Variants in SYNE3 observed in about 807,000 individuals in gnomAD.
The protein encoded by SYNE3 is nesprin-3.
Under a neutral mutation model 111.2 loss-of-function variants are expected in SYNE3, and 100 were observed. The observed-to-expected ratio is 0.90, with a 90% CI of 0.77 to 1.06. The LOEUF (loss-of-function observed/expected upper bound fraction) is 1.06. SYNE3 is among the 50% of genes least tolerant of loss of function. The pLI is 0.00. For missense variants in SYNE3, 1,160 were observed against 1,240.3 expected (o/e 0.94, Z 0.97); for synonymous variants, 547 against 533.9 (o/e 1.02, Z -0.34).
intron 2 of SYNE3, among the ~76,000 whole-genome samples, chr14:95,469,468 G>T (rs1888387202): frequency 6.7e-6 from 1 of 148,972 alleles, no homozygotes; most frequent in African/African-American, 2.5e-5. Flanking sequence ...GCTGAGGCAG[G>T]AGAATTGCTC....
chr14:95,454,282 A>G (rs938250970), intron 6 of SYNE3, among the ~76,000 whole-genome samples: 2 of 152,236 alleles, frequency 1.3e-5, no homozygotes, highest in African/African-American at 4.8e-5. Context: ...AGTGGTTGGA[A>G]GCATATGACC....
At chr14:95,488,515 C>T (rs1889666362) in intron 1 of SYNE3, among the ~76,000 whole-genome samples, 2 of 152,028 alleles carry the variant, frequency 1.3e-5, no homozygotes, top group South Asian at 4.2e-4. Flanking sequence ...GGCTGGATCA[C>T]ATGGTAGGTG....
chr14:95,433,483 T>C, intron 15 of SYNE3, 74 bp from the exon 16 acceptor site: 1 of 1,568,524 alleles, frequency 6.4e-7, no homozygotes, highest in Non-Finnish European at 8.6e-7. Flanking sequence ...TAAGGATGGG[T>C]CCATCAAATT....
chr14:95,465,309 G>A (rs1888092731), intron 4 of SYNE3, among the ~76,000 whole-genome samples: 1 of 151,124 alleles, frequency 6.6e-6, no homozygotes, highest in Admixed American at 6.6e-5. Context: ...ATTAAGCACT[G>A]CGAAACACTG....
intron 9 of SYNE3, among the ~76,000 whole-genome samples, chr14:95,445,168 C>T (rs1438092472): frequency 6.6e-6 from 1 of 152,194 alleles, no homozygotes; most frequent in Admixed American, 6.5e-5. Context: ...CTTCATCCCC[C>T]CAGCTCCTAG....
At chr14:95,462,764 G>A (rs1887914486) in intron 4 of SYNE3, among the ~76,000 whole-genome samples, 1 of 152,246 alleles carries the variant, frequency 6.6e-6, no homozygotes, top group Admixed American at 6.5e-5. Flanking sequence ...CAGGACCTGA[G>A]TCGCAGCTGC....
intron 1 of SYNE3, among the ~76,000 whole-genome samples, chr14:95,490,769 C>A (rs967926076): frequency 1.3e-5 from 2 of 152,370 alleles, no homozygotes; most frequent in African/African-American, 2.4e-5. Flanking sequence ...TGGCCCAGGG[C>A]AAGTGTTCAC....
intron 4 of SYNE3, among the ~76,000 whole-genome samples, chr14:95,461,415 T>C (rs2139458249): frequency 6.6e-6 from 1 of 152,290 alleles, no homozygotes. Flanking sequence ...TACATTTCAC[T>C]TGCAAACACT....
At position 95,457,025 on chromosome 14, in the gene SYNE3, C is replaced by T. The variant is rs1887487042; in HGVS notation, c.789+152G>A. 5.7e-6 allele frequency: 6 copies of T among 1,046,064 alleles called. No individual in the cohort carries two copies. In the East Asian group the frequency reaches 1.3e-4, roughly 23 times the overall value. The allele number at this position is 1,046,064 out of a possible 1,614,324, so 64.8% of individuals were successfully genotyped here. On this transcript the variant is annotated intron_variant, in intron 5 of 17. Transcript: ENST00000682763. ...GTGTGAACCCAGGAGGTGGAGCTTG[C>T]AGTGAGCTGAGATCGCGCCACTGCA...
At chr14:95,494,291 G>A (rs1463813012) in intron 1 of SYNE3, among the ~76,000 whole-genome samples, 1 of 152,228 alleles carries the variant, frequency 6.6e-6, no homozygotes, top group Non-Finnish European at 1.5e-5. Context: ...ACAGAGCCTA[G>A]AGAAAGGAGC....
At chr14:95,464,899 T>G (rs1888070066) in intron 4 of SYNE3, among the ~76,000 whole-genome samples, 3 of 152,314 alleles carry the variant, frequency 2.0e-5, no homozygotes, top group Admixed American at 2.0e-4. Context: ...GACTGTAAAA[T>G]ACATATGTTT....
intron 16 of SYNE3, 107 bp downstream of exon 16, chr14:95,433,153 T>C (rs1595183997): frequency 1.4e-6 from 2 of 1,468,100 alleles, no homozygotes; most frequent in Non-Finnish European, 1.8e-6. Flanking sequence ...GGTGTGTGAA[T>C]GCACAGGGCA....
Position 95,498,029 on chromosome 14 carries a change from T to TAAAAAAA in SYNE3, c.-15+18560_-15+18566dup, listed in dbSNP as rs59849522. Among the ~76,000 whole-genome samples, 4 of 135,334 alleles carry TAAAAAAA rather than the reference T, an allele frequency of 3.0e-5. 1 individual carries two copies. The highest frequency in any genetic ancestry group is 2.1e-4 in the East Asian group (1 of 4,684). The allele number at this position is 135,334 out of a possible 152,430, so 88.8% of individuals were successfully genotyped here. A position where few individuals can be genotyped will look rare whatever the true frequency, so the allele number is the denominator to read the frequency against. ...GGTGACAGGACAAGATCCCAACTCT[T>TAAAAAAA]AAAAAAAAAAAAAAGGAAAAAAGTA... On this transcript the variant is annotated intron_variant, in intron 1 of 17. Transcript: ENST00000682763.
intron 10 of SYNE3, 139 bp from the exon 11 acceptor site, chr14:95,443,428 G>A (rs963793636): frequency 1.1e-5 from 12 of 1,088,586 alleles, no homozygotes; most frequent in South Asian, 1.0e-4. Flanking sequence ...TCATACCAGC[G>A]GAAGTACCAA....
At chr14:95,497,591 T>A (rs1358808114) in intron 1 of SYNE3, among the ~76,000 whole-genome samples, 1 of 152,164 alleles carries the variant, frequency 6.6e-6, no homozygotes. Context: ...AAGAGCAGAC[T>A]GCAAAGCGCT....
chr14:95,418,538 G>T (rs867136341), intron 17 of SYNE3, among the ~76,000 whole-genome samples: 4 of 151,980 alleles, frequency 2.6e-5, no homozygotes, highest in African/African-American at 7.3e-5. Context: ...ATTTATCATC[G>T]TCACTTTCTT....
chr14:95,428,932 T>C (rs1403105430), intron 17 of SYNE3, among the ~76,000 whole-genome samples: 1 of 151,892 alleles, frequency 6.6e-6, no homozygotes, highest in Non-Finnish European at 1.5e-5. Flanking sequence ...TAATTAGCTT[T>C]GGGATAAGTA....
At chr14:95,492,298 A>T (rs554996085) in intron 1 of SYNE3, among the ~76,000 whole-genome samples, 3 of 152,364 alleles carry the variant, frequency 2.0e-5, no homozygotes, top group African/African-American at 7.2e-5. Flanking sequence ...AAATGAAAAC[A>T]TATGTCCACA....
intron 1 of SYNE3, among the ~76,000 whole-genome samples, chr14:95,479,468 T>G (rs1889097775): frequency 6.6e-6 from 1 of 152,106 alleles, no homozygotes; most frequent in African/African-American, 2.4e-5. Flanking sequence ...GTGGAGGGCT[T>G]TCCATCCTTG....
Sources: gnomAD v4.1 joint callset for allele counts (sites outside exome capture counted in the v4.1 genomes callset) on GRCh38, gnomAD v4.1.1 for gene constraint, MANE v1.5 for transcripts, NCBI Gene and HGNC (gene_info 2026-07-23, HGNC 2026-07-21) for gene names.